Variants in SLC36A1 observed in about 807,000 individuals in gnomAD.
The protein encoded by SLC36A1 is solute carrier family 36 member 1, also known as proton-coupled amino acid transporter 1.
A neutral mutation model predicts 47.5 loss-of-function variants in SLC36A1; 30 were observed. The observed-to-expected ratio is 0.63, with a 90% CI of 0.47 to 0.86. The LOEUF (loss-of-function observed/expected upper bound fraction) is 0.86, where lower values mean the gene tolerates loss of function less well. SLC36A1 is among the 40% of genes least tolerant of loss of function. SLC36A1 has a pLI of 0.00. For synonymous variants in SLC36A1, 255 were observed against 249.7 expected (o/e 1.02, Z -0.20); for missense variants, 517 against 606.0 (o/e 0.85, Z 1.54).
the SLC36A1 span, among the ~76,000 whole-genome samples, chr5:151,423,012 G>A: frequency 6.6e-6 from 1 of 152,076 alleles, no homozygotes; most frequent in African/African-American, 2.4e-5. Flanking sequence ...AAAGAAGATG[G>A]CAAATAAGCA....
At chr5:151,393,078 G>T in the SLC36A1 span, among the ~76,000 whole-genome samples, 1 of 151,072 alleles carries the variant, frequency 6.6e-6, no homozygotes, top group African/African-American at 2.4e-5. Context: ...TTATGAATCT[G>T]GGTGCTCCTG....
the SLC36A1 span, among the ~76,000 whole-genome samples, chr5:151,411,935 C>T: frequency 1.4e-5 from 2 of 144,842 alleles, 1 homozygote; most frequent in East Asian, 4.6e-4. Flanking sequence ...TGAACATCCA[C>T]CCCAAATACT....
At chr5:151,483,318 T>A (rs1759059186) in intron 10 of SLC36A1, among the ~76,000 whole-genome samples, 1 of 152,240 alleles carries the variant, frequency 6.6e-6, no homozygotes, top group Admixed American at 6.5e-5. Context: ...AAAGCTCATA[T>A]TCTTTGTGTC....
chr5:151,416,906 G>C, the SLC36A1 span, among the ~76,000 whole-genome samples: 13 of 152,182 alleles, frequency 8.5e-5, no homozygotes, highest in Non-Finnish European at 1.5e-4. Flanking sequence ...TATTGAGTGA[G>C]TTCTCATGAG....
chr5:151,547,685 T>G, the SLC36A1 span, among the ~76,000 whole-genome samples: 1 of 152,172 alleles, frequency 6.6e-6, no homozygotes, highest in Non-Finnish European at 1.5e-5. Context: ...TTTAAAGTGA[T>G]TCCATTAAAA....
At chr5:151,503,178 C>T in the SLC36A1 span, among the ~76,000 whole-genome samples, 3 of 147,774 alleles carry the variant, frequency 2.0e-5, no homozygotes, top group Non-Finnish European at 4.4e-5. Flanking sequence ...TGTCCAAACC[C>T]ATAGAATGTG....
chr5:151,463,740 G>C, intron 3 of SLC36A1, 97 bp downstream of exon 3: 1 of 927,490 alleles, frequency 1.1e-6, no homozygotes, highest in South Asian at 1.4e-5. Flanking sequence ...ATTTTAAATA[G>C]AGAAGCATTT....
At chr5:151,462,209 A>G (rs1755621219) in intron 2 of SLC36A1, among the ~76,000 whole-genome samples, 2 of 152,106 alleles carry the variant, frequency 1.3e-5, no homozygotes, top group Non-Finnish European at 1.5e-5. Flanking sequence ...TTCTGATGAG[A>G]TTAGTGGTGA....
chr5:151,526,044 T>G, the SLC36A1 span: 4 of 1,388,964 alleles, frequency 2.9e-6, no homozygotes, highest in Non-Finnish European at 4.0e-6. Flanking sequence ...GGGTATGTCA[T>G]CTGGAATGAG....
At chr5:151,524,451 A>G in the SLC36A1 span, among the ~76,000 whole-genome samples, 2 of 152,178 alleles carry the variant, frequency 1.3e-5, no homozygotes, top group East Asian at 3.9e-4. Context: ...TGATACAATG[A>G]GAAGCCGACA....
chr5:151,473,594 C>T lies in SLC36A1; in HGVS notation c.724-79C>T, dbSNP rs10067276. The T allele has an allele frequency of 0.014, 12,913 of 911,020 alleles. 1,035 individuals are homozygous for T. In the African/African-American group the frequency reaches 0.18, roughly 13 times the overall value. The allele number at this position is 911,020 out of a possible 1,614,324, so 56.4% of individuals were successfully genotyped here. The stretch of plus-strand genomic sequence containing the variant: ...TTGGATTTGTTAAAAGGTATGACCT[C>T]TCCGATTCAGAGTTCAAATCTTGAA... On this transcript the variant is annotated intron_variant, in intron 7 of 10. Transcript: ENST00000243389.
chr5:151,528,108 G>A, the SLC36A1 span: 6 of 1,614,094 alleles, frequency 3.7e-6, no homozygotes, highest in African/African-American at 5.3e-5. Context: ...ACTATTTAGG[G>A]GTCCATCTTC....
chr5:151,391,407 T>C, the SLC36A1 span, among the ~76,000 whole-genome samples: 1 of 152,184 alleles, frequency 6.6e-6, no homozygotes, highest in Non-Finnish European at 1.5e-5. Context: ...TTCTCCTGCC[T>C]GATTGCCCTG....
chr5:151,432,493 G>A (rs142157256), upstream of SLC36A1, among the ~76,000 whole-genome samples: 71 of 152,234 alleles, frequency 4.7e-4, no homozygotes, highest in African/African-American at 1.6e-3. Context: ...GGTCAGGAGA[G>A]GGTAGGCATC....
At chr5:151,541,813 A>G in the SLC36A1 span, among the ~76,000 whole-genome samples, 2 of 152,100 alleles carry the variant, frequency 1.3e-5, no homozygotes, top group Admixed American at 1.3e-4. Flanking sequence ...TGAAGGAATT[A>G]TATCTAAGGA....
At chr5:151,539,375 T>C in the SLC36A1 span, among the ~76,000 whole-genome samples, 5 of 152,376 alleles carry the variant, frequency 3.3e-5, no homozygotes, top group African/African-American at 1.2e-4. Flanking sequence ...AGTCGAAGTT[T>C]GTATATATGC....
At chr5:151,484,622 T>G (rs1245230925) in intron 10 of SLC36A1, among the ~76,000 whole-genome samples, 1 of 152,192 alleles carries the variant, frequency 6.6e-6, no homozygotes, top group Non-Finnish European at 1.5e-5. Context: ...GAACTGAGGC[T>G]CAGAATAGTA....
At chr5:151,485,258 G>A (rs1294081557) in intron 10 of SLC36A1, among the ~76,000 whole-genome samples, 1 of 152,172 alleles carries the variant, frequency 6.6e-6, no homozygotes, top group African/African-American at 2.4e-5. Context: ...AGATGTTAAT[G>A]AGAATTGCCA....
chr5:151,436,175 T>C (rs546948665), upstream of SLC36A1, among the ~76,000 whole-genome samples: 11 of 152,294 alleles, frequency 7.2e-5, no homozygotes, highest in African/African-American at 1.9e-4. Flanking sequence ...TTGAATGAGT[T>C]TTGACAAATG....
Sources: allele counts gnomAD v4.1 joint callset (sites outside exome capture counted in the v4.1 genomes callset), GRCh38; gene constraint gnomAD v4.1.1; transcripts MANE v1.5; gene names NCBI Gene and HGNC (gene_info 2026-07-23, HGNC 2026-07-21).